The following MAF variants were observed in gnomAD, a reference collection of about 807,000 sequenced individuals.
MAF encodes the protein transcription factor Maf.
In MAF, 10 loss-of-function variants were observed where a neutral mutation model predicts 22.0. The observed-to-expected ratio is 0.45, with a 90% CI of 0.28 to 0.77. MAF has a LOEUF of 0.77. Ranked by LOEUF, MAF falls within the 30% of genes least tolerant of loss-of-function variation. The pLI is 0.12. For missense variants in MAF, 544 were observed against 548.4 expected, an observed-to-expected ratio of 0.99 and a Z score of 0.08; for synonymous variants, 337 against 255.8, an observed-to-expected ratio of 1.32 and a Z score of -3.03.
At chr16:79,368,436 G>C in the MAF span, among the ~76,000 whole-genome samples, 20 of 152,256 alleles carry the variant, frequency 1.3e-4, no homozygotes, top group African/African-American at 4.6e-4. Context: ...GTATTTTACA[G>C]AGTGATCCAT....
the MAF span, among the ~76,000 whole-genome samples, chr16:79,525,377 C>T: frequency 6.6e-6 from 1 of 152,146 alleles, no homozygotes; most frequent in African/African-American, 2.4e-5. Flanking sequence ...TGTCCACGGC[C>T]ATGCGCTCGG....
chr16:79,246,374 A>C, the MAF span, among the ~76,000 whole-genome samples: 18,405 of 151,948 alleles, frequency 0.12, 1,374 homozygotes, highest in Middle Eastern at 0.2. Flanking sequence ...ACATATCTCA[A>C]CCCACAAATG....
the MAF span, among the ~76,000 whole-genome samples, chr16:79,385,452 A>T: frequency 6.6e-6 from 1 of 152,226 alleles, no homozygotes; most frequent in Non-Finnish European, 1.5e-5. Context: ...TCTCTATGTA[A>T]GAACAAAAAT....
the MAF span, among the ~76,000 whole-genome samples, chr16:79,390,640 T>G: frequency 6.6e-6 from 1 of 152,132 alleles, no homozygotes; most frequent in African/African-American, 2.4e-5. Context: ...CATTTACCAC[T>G]CTGGATTAGA....
the MAF span, among the ~76,000 whole-genome samples, chr16:79,510,706 C>G: frequency 3.5e-4 from 53 of 152,334 alleles, no homozygotes; most frequent in Non-Finnish European, 5.0e-4. Flanking sequence ...AGGGGACATA[C>G]ACATCGAATG....
At chr16:79,477,262 A>G in the MAF span, among the ~76,000 whole-genome samples, 103,581 of 152,110 alleles carry the variant, frequency 0.68, 38,248 homozygotes, top group South Asian at 0.85. Flanking sequence ...CTTTGTGGCC[A>G]AAAGATGCCA....
At chr16:79,213,030 G>C in the MAF span, 1 of 151,880 alleles carries the variant, frequency 6.6e-6, no homozygotes, top group South Asian at 2.1e-4. Context: ...CAAGTACTTA[G>C]TGATTAGCGG....
the MAF span, among the ~76,000 whole-genome samples, chr16:79,379,862 A>G: frequency 2.0e-5 from 3 of 152,184 alleles, no homozygotes; most frequent in Non-Finnish European, 2.9e-5. Flanking sequence ...AGGGTGCCTC[A>G]CTGAGGACTC....
At chr16:79,586,023 G>A in intron 1 of MAF, 4 of 599,320 alleles carry the variant, frequency 6.7e-6, no homozygotes, top group East Asian at 3.0e-5. Flanking sequence ...GCTACAGGCA[G>A]CCTAACTATC....
chr16:79,529,472 T>C, the MAF span, among the ~76,000 whole-genome samples: 8 of 152,196 alleles, frequency 5.3e-5, no homozygotes, highest in Non-Finnish European at 8.8e-5. Context: ...TAACTTCCTG[T>C]GAATCTATAA....
the MAF span, among the ~76,000 whole-genome samples, chr16:79,529,297 A>G: frequency 1.3e-5 from 2 of 152,132 alleles, no homozygotes; most frequent in Non-Finnish European, 2.9e-5. Flanking sequence ...GTTTGACCCC[A>G]GTCTCTACCC....
At chr16:79,260,952 C>T in the MAF span, among the ~76,000 whole-genome samples, 62 of 152,170 alleles carry the variant, frequency 4.1e-4, no homozygotes, top group African/African-American at 1.5e-3. Context: ...AGAAAGATGG[C>T]TCAGGCAATA....
the MAF span, chr16:79,211,551 C>G: frequency 3.1e-6 from 5 of 1,610,238 alleles, no homozygotes; most frequent in African/African-American, 1.3e-5. Flanking sequence ...CGAAATGACG[C>G]CATCTCATCA....
At chr16:79,553,323 C>T in the MAF span, among the ~76,000 whole-genome samples, 1 of 152,224 alleles carries the variant, frequency 6.6e-6, no homozygotes, top group Non-Finnish European at 1.5e-5. Flanking sequence ...GGCTGAGTGG[C>T]TTCCAATGGA....
At chr16:79,472,296 G>T in the MAF span, among the ~76,000 whole-genome samples, 1 of 152,126 alleles carries the variant, frequency 6.6e-6, no homozygotes, top group African/African-American at 2.4e-5. Flanking sequence ...GAAGATTCGT[G>T]TCTACATAAA....
the MAF span, among the ~76,000 whole-genome samples, chr16:79,339,703 A>G: frequency 1.3e-5 from 2 of 152,236 alleles, no homozygotes; most frequent in African/African-American, 4.8e-5. Context: ...AATAAACACC[A>G]TAGAAAGGGA....
At chr16:79,298,505 G>A in the MAF span, among the ~76,000 whole-genome samples, 1 of 152,200 alleles carries the variant, frequency 6.6e-6, no homozygotes, top group Non-Finnish European at 1.5e-5. Context: ...ACTGGGGAGG[G>A]GAAGAGGAGG....
the MAF span, among the ~76,000 whole-genome samples, chr16:79,540,108 A>G: frequency 1.3e-5 from 2 of 152,090 alleles, no homozygotes; most frequent in Non-Finnish European, 2.9e-5. Flanking sequence ...CAGGGCCAAA[A>G]GGATCCCCAA....
chr16:79,228,868 C>T, the MAF span, among the ~76,000 whole-genome samples: 1 of 151,862 alleles, frequency 6.6e-6, no homozygotes, highest in African/African-American at 2.4e-5. Flanking sequence ...GGATCATGTA[C>T]ATAGACTACA....
Sources: gnomAD v4.1 joint callset for allele counts (sites outside exome capture counted in the v4.1 genomes callset) on GRCh38, gnomAD v4.1.1 for gene constraint, MANE v1.5 for transcripts, NCBI Gene and HGNC (gene_info 2026-07-23, HGNC 2026-07-21) for gene names.